The following SH2D4B variants were observed in gnomAD, a reference collection of about 807,000 sequenced individuals.
The protein encoded by SH2D4B is SH2 domain containing 4B.
SH2D4B carries 45 observed loss-of-function variants against 61.5 expected under a neutral mutation model. The ratio of observed to expected loss-of-function variants is 0.73; its 90% CI spans 0.58 to 0.94. SH2D4B has a LOEUF of 0.94. SH2D4B is among the 40% of genes least tolerant of loss of function. SH2D4B has a pLI of 0.00. For synonymous variants in SH2D4B, 224 were observed against 220.4 expected (o/e 1.02, Z -0.14); for missense variants, 572 against 574.2 (o/e 1.00, Z 0.04).
chr10:80,597,874 G>A (rs35743232), intron 4 of SH2D4B, among the ~76,000 whole-genome samples: 19,777 of 152,076 alleles, frequency 0.13, 1,680 homozygotes, highest in African/African-American at 0.23. Context: ...GTCATGGCAC[G>A]TGTTGCAGTG....
intron 1 of SH2D4B, chr10:80,541,037 A>G (rs1438069707): frequency 2.4e-6 from 2 of 837,828 alleles, no homozygotes; most frequent in African/African-American, 1.7e-5. Context: ...TGTTAGTGAG[A>G]AGCGAAAGTA....
chr10:80,586,090 G>T (rs1008220620), intron 3 of SH2D4B, among the ~76,000 whole-genome samples: 4 of 152,184 alleles, frequency 2.6e-5, no homozygotes, highest in African/African-American at 9.7e-5. Context: ...TGATTTCTCA[G>T]GGGGCCTTAG....
chr10:80,593,104 C>T (rs895097316), intron 4 of SH2D4B, among the ~76,000 whole-genome samples: 3 of 152,120 alleles, frequency 2.0e-5, no homozygotes, highest in African/African-American at 7.2e-5. Flanking sequence ...CTGTAGCTTT[C>T]TTGTACATTT....
chr10:80,602,581 C>G (rs1370223730), intron 4 of SH2D4B, among the ~76,000 whole-genome samples: 1 of 152,184 alleles, frequency 6.6e-6, no homozygotes, highest in Non-Finnish European at 1.5e-5. Context: ...TCTTCCCCCT[C>G]CCTGCCCACA....
intron 2 of SH2D4B, 45 bp downstream of exon 2, chr10:80,570,361 C>T (rs753937776): frequency 6.2e-6 from 10 of 1,601,532 alleles, no homozygotes; most frequent in Non-Finnish European, 7.7e-6. Flanking sequence ...GGCATGGAAG[C>T]TATGCTTAGC....
chr10:80,540,893 C>T (rs1385586278), intron 1 of SH2D4B: 1 of 1,551,632 alleles, frequency 6.4e-7, no homozygotes, highest in African/African-American at 1.4e-5. Flanking sequence ...TCTTCCTTCC[C>T]TTGATGTTGC....
intron 1 of SH2D4B, among the ~76,000 whole-genome samples, chr10:80,564,329 A>G (rs547670306): frequency 3.7e-4 from 56 of 152,332 alleles, no homozygotes; most frequent in African/African-American, 1.3e-3. Context: ...CAAGATCACC[A>G]GAGACCTCCA....
At chr10:80,641,313 C>T (rs1379586035) in intron 7 of SH2D4B, among the ~76,000 whole-genome samples, 1 of 152,192 alleles carries the variant, frequency 6.6e-6, no homozygotes, top group African/African-American at 2.4e-5. Flanking sequence ...CTGGGAGAAC[C>T]ACTGCTCTCT....
intron 4 of SH2D4B, among the ~76,000 whole-genome samples, chr10:80,596,077 C>G (rs1049144917): frequency 2.6e-5 from 4 of 152,188 alleles, no homozygotes; most frequent in Non-Finnish European, 5.9e-5. Context: ...TTCACTGTTA[C>G]CAGTTACTTC....
chr10:80,577,182 A>G (rs1842135956), intron 3 of SH2D4B, among the ~76,000 whole-genome samples: 1 of 152,094 alleles, frequency 6.6e-6, no homozygotes, highest in South Asian at 2.1e-4. Flanking sequence ...TACACTACAC[A>G]CTGTAAGGAA....
rs552617935 is a variant in SH2D4B, at chr10:80,555,794, G to A, written c.185-14360G>A. On this transcript the variant is annotated intron_variant, in intron 1 of 7. Coordinates refer to ENST00000646907, the MANE Select transcript of SH2D4B (RefSeq NM_001388272.1). ...CTATTGGTCACCCTACCTCTGCTAT[G>A]TTAAACACACCCACGTGAAAGCTTC... Among the ~76,000 whole-genome samples, 526 of 152,328 alleles carry A rather than the reference G, an allele frequency of 3.5e-3. 1 individual carries two copies. Among genetic ancestry groups the A allele is most frequent in the African/African-American group, 0.012 (501 of 41,556 alleles).
In SH2D4B at chr10:80,570,209, C is replaced by G; in HGVS notation, c.240C>G (p.Val80=). The G allele has an allele frequency of 6.2e-7, 1 of 1,614,128 alleles. No homozygotes were observed. The highest frequency in any genetic ancestry group is 8.5e-7 in the Non-Finnish European group (1 of 1,180,020). Residue 80 remains valine (V), a synonymous_variant, in exon 2 of 8, where the codon GTC becomes GTG. Transcript: ENST00000646907. ...WLLGADGEVW[V]WIMGEGPGDK... ...TAGGGGCAGATGGCGAGGTCTGGGT[C>G]TGGATCATGGGAGAAGGCCCTGGTG...
At chr10:80,540,927 G>A (rs1316199485) in intron 1 of SH2D4B, 2 of 1,546,204 alleles carry the variant, frequency 1.3e-6, no homozygotes, top group Non-Finnish European at 1.8e-6. Flanking sequence ...AGGCTCTCCA[G>A]ATGCTGGTGA....
Position 80,603,658 on chromosome 10 carries a change from C to T in SH2D4B, c.723C>T (p.Leu241=). ...GGGACGAGTACCGACACCACTCGCT[C>T]CGTGCTATCCAGAAGGGCACGGTCG... ...RARDEYRHHS[L]RAIQKGTVAG... The change falls in exon 5 of 8, where the codon CTC becomes CTT. Residue 241 remains leucine, a synonymous_variant. Coordinates refer to ENST00000646907, the MANE Select transcript of SH2D4B (RefSeq NM_001388272.1). 6.2e-7 allele frequency: 1 copy of T among 1,607,418 alleles called. No individual in the cohort carries two copies.
chr10:80,609,438 G>T lies in SH2D4B; in HGVS notation c.875G>T (p.Arg292Leu), dbSNP rs372515371. The T allele has an allele frequency of 6.2e-7, 1 of 1,613,528 alleles. No individual in the cohort carries two copies. Among genetic ancestry groups the T allele is most frequent in the Non-Finnish European group, 8.5e-7 (1 of 1,179,796 alleles). Residue 292 changes from arginine (R) to leucine (L), a missense_variant, in exon 6 of 8, where the codon CGC becomes CTC. Transcript: ENST00000646907. Reference sequence around the variant, plus strand: ...TTTCTCTTCAGCAGGACCTGGGAGCGCCCGCTGCGCCCAGTCTCCAGAGAT... The same window carrying T: ...TTTCTCTTCAGCAGGACCTGGGAGCTCCCGCTGCGCCCAGTCTCCAGAGAT... ...LALPVSRTWE[R>L]PLRPVSRDVI...
At chr10:80,587,404 C>T (rs1842272625) in intron 3 of SH2D4B, among the ~76,000 whole-genome samples, 1 of 152,064 alleles carries the variant, frequency 6.6e-6, no homozygotes, top group Non-Finnish European at 1.5e-5. Context: ...CTCAGCCTGC[C>T]TAGCAGCTGG....
chr10:80,583,526 G>C (rs1313349725), intron 3 of SH2D4B, among the ~76,000 whole-genome samples: 1 of 152,008 alleles, frequency 6.6e-6, no homozygotes, highest in African/African-American at 2.4e-5. Context: ...AAATTAGCCA[G>C]GGGTGGTGGC....
chr10:80,576,728 G>A (rs1842130332), intron 3 of SH2D4B, among the ~76,000 whole-genome samples: 1 of 152,196 alleles, frequency 6.6e-6, no homozygotes, highest in Non-Finnish European at 1.5e-5. Context: ...CTTATGACTA[G>A]CTGTGATGTG....
At chr10:80,634,251 C>G (rs1564531035) in intron 6 of SH2D4B, 34 bp from the exon 7 acceptor site, 1 of 1,483,390 alleles carries the variant, frequency 6.7e-7, no homozygotes, top group Non-Finnish European at 9.0e-7. Flanking sequence ...GCAGAACCTG[C>G]TGTGTTTTTT....
Sources: allele counts gnomAD v4.1 joint callset (sites outside exome capture counted in the v4.1 genomes callset), GRCh38; gene constraint gnomAD v4.1.1; transcripts MANE v1.5; gene names NCBI Gene and HGNC (gene_info 2026-07-23, HGNC 2026-07-21).